The following SLCO5A1 variants were observed in gnomAD, a reference collection of about 807,000 sequenced individuals.
The protein encoded by SLCO5A1 is organic anion transporter polypeptide-related protein 4.
A neutral mutation model predicts 65.1 loss-of-function variants in SLCO5A1; 39 were observed. The ratio of observed to expected loss-of-function variants is 0.60; its 90% CI spans 0.46 to 0.78. The LOEUF (loss-of-function observed/expected upper bound fraction) is 0.78, where lower values mean the gene tolerates loss of function less well. Ranked by LOEUF, SLCO5A1 falls within the 30% of genes least tolerant of loss-of-function variation. The probability of loss-of-function intolerance (pLI) is 0.00; values close to 1 mark genes in which losing one functional copy is unlikely to be tolerated. For synonymous variants in SLCO5A1, 438 were observed against 415.7 expected, an observed-to-expected ratio of 1.05 and a Z score of -0.65; for missense variants, 1,029 against 1,069.4, an observed-to-expected ratio of 0.96 and a Z score of 0.53.
intron 2 of SLCO5A1, among the ~76,000 whole-genome samples, chr8:69,793,820 A>G (rs1006280818): frequency 1.3e-5 from 2 of 151,512 alleles, no homozygotes; most frequent in African/African-American, 2.4e-5. Context: ...TAAATAAAAT[A>G]AAATTTTTAA....
chr8:69,679,290 A>G, intron 8 of SLCO5A1, 88 bp downstream of exon 8: 4 of 1,558,020 alleles, frequency 2.6e-6, no homozygotes, highest in Non-Finnish European at 3.5e-6. Context: ...TTGCTCTCTG[A>G]TTTACCACAT....
intron 5 of SLCO5A1, among the ~76,000 whole-genome samples, chr8:69,707,590 C>T (rs549140180): frequency 6.6e-5 from 10 of 152,188 alleles, no homozygotes; most frequent in Admixed American, 4.6e-4. Context: ...TAATGGAGGG[C>T]GCTGAAGAAT....
intron 4 of SLCO5A1, among the ~76,000 whole-genome samples, chr8:69,752,088 A>G (rs370045394): frequency 2.6e-5 from 4 of 152,184 alleles, no homozygotes; most frequent in Admixed American, 1.3e-4. Context: ...AAAATTACCT[A>G]GGTGTGGTGG....
At chr8:69,690,652 T>C (rs1417544292) in intron 6 of SLCO5A1, among the ~76,000 whole-genome samples, 1 of 152,222 alleles carries the variant, frequency 6.6e-6, no homozygotes, top group Non-Finnish European at 1.5e-5. Context: ...TTATTTAATT[T>C]CTATAGTCTG....
At chr8:69,687,336 A>G (rs778617806) in intron 6 of SLCO5A1, among the ~76,000 whole-genome samples, 19 of 152,222 alleles carry the variant, frequency 1.2e-4, no homozygotes, top group African/African-American at 3.6e-4. Flanking sequence ...ATGTCATAGC[A>G]TATGTGCTAG....
chr8:69,704,853 G>A, intron 6 of SLCO5A1, 178 bp downstream of exon 6: 1 of 611,924 alleles, frequency 1.6e-6, no homozygotes, highest in Admixed American at 3.0e-5. Flanking sequence ...AGGAAGACGA[G>A]ACCCTGGCTT....
intron 4 of SLCO5A1, among the ~76,000 whole-genome samples, chr8:69,751,550 T>A (rs1817300638): frequency 6.6e-6 from 1 of 151,454 alleles, no homozygotes; most frequent in Admixed American, 6.6e-5. Flanking sequence ...TAATTTTCTT[T>A]TTTTTTTTTT....
At chr8:69,701,722 C>T (rs1347196615) in intron 6 of SLCO5A1, among the ~76,000 whole-genome samples, 2 of 152,142 alleles carry the variant, frequency 1.3e-5, no homozygotes, top group Non-Finnish European at 2.9e-5. Context: ...AGTCTCATTT[C>T]TCCCTAAAAT....
chr8:69,709,446 G>A (rs1330904142), intron 5 of SLCO5A1, among the ~76,000 whole-genome samples: 1 of 152,324 alleles, frequency 6.6e-6, no homozygotes, highest in South Asian at 2.1e-4. Context: ...GGATAAATCC[G>A]TGGGTGAGTA....
At chr8:69,766,901 T>C (rs1343989543) in intron 2 of SLCO5A1, among the ~76,000 whole-genome samples, 2 of 152,206 alleles carry the variant, frequency 1.3e-5, no homozygotes, top group African/African-American at 2.4e-5. Context: ...TTACTCTCAC[T>C]GCTCCCATTC....
intron 2 of SLCO5A1, among the ~76,000 whole-genome samples, chr8:69,825,942 A>G: frequency 6.6e-6 from 1 of 152,254 alleles, no homozygotes; most frequent in Non-Finnish European, 1.5e-5. Flanking sequence ...ATATAGATCA[A>G]TGGAACAGAA....
At chr8:69,705,712 T>C (rs2380574) in intron 5 of SLCO5A1, among the ~76,000 whole-genome samples, 55,696 of 152,192 alleles carry the variant, frequency 0.37, 11,598 homozygotes, top group African/African-American at 0.57. Flanking sequence ...GAATGTAATG[T>C]ATAAAATTTT....
intron 2 of SLCO5A1, among the ~76,000 whole-genome samples, chr8:69,780,041 A>G (rs188242430): frequency 8.2e-4 from 122 of 149,316 alleles, no homozygotes; most frequent in Non-Finnish European, 1.2e-3. Flanking sequence ...CTACAGGCAT[A>G]TGAAAAAAAT....
At chr8:69,811,574 A>G (rs1789529325) in intron 2 of SLCO5A1, among the ~76,000 whole-genome samples, 1 of 152,142 alleles carries the variant, frequency 6.6e-6, no homozygotes, top group Non-Finnish European at 1.5e-5. Context: ...CCAAATACAC[A>G]GCACCCAAGC....
chr8:69,680,876 G>A (rs991555632), intron 7 of SLCO5A1, among the ~76,000 whole-genome samples: 1 of 152,188 alleles, frequency 6.6e-6, no homozygotes, highest in Admixed American at 6.5e-5. Flanking sequence ...GACTGTGACA[G>A]AGTCAGACTA....
intron 6 of SLCO5A1, among the ~76,000 whole-genome samples, chr8:69,696,854 A>G (rs1445016086): frequency 6.6e-6 from 1 of 152,216 alleles, no homozygotes; most frequent in East Asian, 1.9e-4. Context: ...CAACACCAGA[A>G]TGCTATGAAA....
intron 4 of SLCO5A1, 117 bp from the exon 5 acceptor site, chr8:69,738,321 G>A (rs10110088): frequency 0.068 from 60,660 of 893,602 alleles, 3,999 homozygotes; most frequent in African/African-American, 0.3. Flanking sequence ...TTGCCACCAA[G>A]GAATAAAAAT....
At chr8:69,717,297 A>G (rs1471710408) in intron 5 of SLCO5A1, among the ~76,000 whole-genome samples, 1 of 152,146 alleles carries the variant, frequency 6.6e-6, no homozygotes. Context: ...AGGGGGTCCA[A>G]CTTCATTCTT....
Position 69,771,650 on chromosome 8 carries a change from C to T in SLCO5A1, c.908-9775G>A, listed in dbSNP as rs534865547. Among the ~76,000 whole-genome samples, 6 of 152,220 alleles carry T rather than the reference C, an allele frequency of 3.9e-5. No individual in the cohort carries two copies. In the South Asian group the frequency reaches 6.2e-4, roughly 16 times the overall value. ...TGGTGATCGCTCATGAGAAGCTGGG[C>T]GCAGCATCACACCTCTTCTGGGCAT... is the stretch of plus-strand genomic sequence containing the variant. On this transcript the variant is annotated intron_variant, in intron 2 of 9. Transcript: ENST00000260126.
Sources: allele counts gnomAD v4.1 joint callset (sites outside exome capture counted in the v4.1 genomes callset), GRCh38; gene constraint gnomAD v4.1.1; transcripts MANE v1.5; gene names NCBI Gene and HGNC (gene_info 2026-07-23, HGNC 2026-07-21).